The following SLC2A7 variants were observed in gnomAD, a reference collection of about 807,000 sequenced individuals.
The protein encoded by SLC2A7 is solute carrier family 2 member 7, also known as solute carrier family 2, facilitated glucose transporter member 7.
A neutral mutation model predicts 50.5 loss-of-function variants in SLC2A7; 50 were observed. That is an observed-to-expected ratio of 0.99 (90% CI 0.79 to 1.25). SLC2A7 has a LOEUF of 1.25. Among genes scored for constraint, SLC2A7 ranks in the 50% most tolerant of loss-of-function variants. SLC2A7 has a pLI of 0.00. For missense variants in SLC2A7, 683 were observed against 679.1 expected (o/e 1.01, Z -0.06); for synonymous variants, 308 against 300.4 (o/e 1.03, Z -0.26).
chr1:9,018,134 C>T lies in SLC2A7; in HGVS notation c.589+89G>A, dbSNP rs533179247. 218 of 1,543,172 alleles carry T rather than the reference C, an allele frequency of 1.4e-4. 1 individual carries two copies. The highest frequency in any genetic ancestry group is 6.6e-4 in the South Asian group (55 of 83,858). On this transcript the variant is annotated intron_variant, in intron 5 of 11. Coordinates refer to ENST00000400906, the MANE Select transcript of SLC2A7 (RefSeq NM_207420.3). ...AACACCTGACCCTAAAATCATCTCT[C>T]GGGTCTCATCTGACTCGATCCGTCA... is the stretch of plus-strand genomic sequence containing the variant.
chr1:9,004,453 C>T (rs993697565), intron 11 of SLC2A7, among the ~76,000 whole-genome samples: 2 of 152,008 alleles, frequency 1.3e-5, no homozygotes, highest in Admixed American at 6.5e-5. Flanking sequence ...AGGAAGGAAG[C>T]GGTGGGGGAT....
chr1:8,998,377 C>G (rs147703390), downstream of SLC2A7, among the ~76,000 whole-genome samples: 14,351 of 152,144 alleles, frequency 0.094, 734 homozygotes, highest in Middle Eastern at 0.15. Context: ...TGCACTCTAG[C>G]CTGGGCGACA....
intron 1 of SLC2A7, among the ~76,000 whole-genome samples, chr1:9,025,385 A>G (rs1279144624): frequency 6.6e-6 from 1 of 152,256 alleles, no homozygotes; most frequent in Non-Finnish European, 1.5e-5. Flanking sequence ...ACTGCCTTTA[A>G]GAAGCTCACT....
chr1:9,024,861 A>G (rs4297323), intron 2 of SLC2A7, 115 bp downstream of exon 2: 1 of 1,167,580 alleles, frequency 8.6e-7, no homozygotes, highest in South Asian at 1.4e-5. Context: ...CAAAGGCAAG[A>G]TGGTGCCTCC....
rs567915169 is a variant in SLC2A7, at chr1:9,003,152, T to C, written c.*148A>G. 56 of 676,030 alleles carry C rather than the reference T, an allele frequency of 8.3e-5. No homozygotes were observed. Among genetic ancestry groups the C allele is most frequent in the African/African-American group, 5.3e-4 (29 of 55,164 alleles). The allele number at this position is 676,030 out of a possible 1,614,324, so 41.9% of individuals were successfully genotyped here. A position where few individuals can be genotyped will look rare whatever the true frequency, so the allele number is the denominator to read the frequency against. ...CTTCTCAGCTAAATATGCATTGTTG[T>C]GGGTATTTAATAATATCCATAATTA... On this transcript the variant is annotated 3_prime_UTR_variant, in exon 12 of 12. Coordinates refer to ENST00000400906, the MANE Select transcript of SLC2A7 (RefSeq NM_207420.3).
intron 2 of SLC2A7, 47 bp from the exon 3 acceptor site, chr1:9,023,125 T>A (rs746794821): frequency 5.7e-6 from 9 of 1,580,288 alleles, no homozygotes; most frequent in Non-Finnish European, 6.9e-6. Flanking sequence ...GGGCAGTTCA[T>A]GAGAAATGAG....
intron 6 of SLC2A7, 41 bp downstream of exon 6, chr1:9,015,076 G>T: frequency 1.2e-6 from 2 of 1,608,524 alleles, no homozygotes. Context: ...CCTGGCCCCC[G>T]GGGTGGGCAG....
intron 3 of SLC2A7, among the ~76,000 whole-genome samples, chr1:9,022,199 G>A (rs1382184782): frequency 1.3e-5 from 2 of 152,196 alleles, no homozygotes; most frequent in Non-Finnish European, 2.9e-5. Flanking sequence ...ACTCCTGCAA[G>A]CTGTCTAACC....
At chr1:8,995,164 A>G in the SLC2A7 span, among the ~76,000 whole-genome samples, 1 of 149,004 alleles carries the variant, frequency 6.7e-6, no homozygotes, top group Non-Finnish European at 1.5e-5. Flanking sequence ...TTTTAAAAAT[A>G]TTGGCCAGGT....
chr1:9,024,866 G>T, intron 2 of SLC2A7, 110 bp downstream of exon 2: 2 of 1,239,700 alleles, frequency 1.6e-6, no homozygotes, highest in Non-Finnish European at 2.3e-6. Context: ...GCAAGATGGT[G>T]CCTCCTACAG....
intron 2 of SLC2A7, among the ~76,000 whole-genome samples, chr1:9,023,829 A>ATTC (rs139572302): frequency 1.7e-4 from 10 of 59,036 alleles, no homozygotes; most frequent in African/African-American, 3.3e-4. Context: ...CATAGGAAAT[A>ATTC]TTCTTCTTCT....
In SLC2A7 at chr1:9,008,119, G is replaced by C. The variant is rs1030358236; in HGVS notation, c.1117-734C>G. On this transcript the variant is annotated intron_variant, in intron 9 of 11. Coordinates refer to ENST00000400906, the MANE Select transcript of SLC2A7 (RefSeq NM_207420.3). This position sits in a 1 kb window ranked among gnomAD's most constrained non-coding sequence, Gnocchi z 5.9. The stretch of plus-strand genomic sequence containing the variant: ...ACCACCATCTCTGCTCCCAACTGCC[G>C]AGAGAACAGCCAATGCAAAACCGGG... Among the ~76,000 whole-genome samples the C allele has an allele frequency of 6.6e-6, 1 of 152,118 alleles. No individual in the cohort carries two copies. The highest frequency in any genetic ancestry group is 1.9e-4 in the East Asian group (1 of 5,180).
In SLC2A7 at chr1:9,014,788, C is replaced by G. The variant is rs148489455; in HGVS notation, c.796G>C (p.Glu266Gln). Reference sequence around the variant, plus strand: ...AGGTGCAGCACAGACAGGTGGCCCTCGGCGCGCTCGGCCCGGGCCTCCGCA... The same window carrying G: ...AGGTGCAGCACAGACAGGTGGCCCTGGGCGCGCTCGGCCCGGGCCTCCGCA... ...MRAEARAERA[E>Q]GHLSVLHLCA... Residue 266 changes from glutamate to glutamine, a missense_variant, in exon 7 of 12, where the codon GAG (glutamate) becomes CAG (glutamine). Physicochemically the swap from Glu to Gln is conservative, Grantham distance 29. Coordinates refer to ENST00000400906, the MANE Select transcript of SLC2A7 (RefSeq NM_207420.3). 1.9e-6 allele frequency: 3 copies of G among 1,600,074 alleles called. No homozygotes were observed. The highest frequency in any genetic ancestry group is 2.6e-6 in the Non-Finnish European group (3 of 1,174,294).
intron 11 of SLC2A7, 70 bp from the exon 12 acceptor site, chr1:9,003,588 T>C: frequency 7.2e-7 from 1 of 1,384,008 alleles, no homozygotes. Flanking sequence ...CTGAGCACGT[T>C]GGCTCATGCC....
chr1:9,020,652 G>A (rs1267663971), intron 3 of SLC2A7, among the ~76,000 whole-genome samples: 1 of 149,502 alleles, frequency 6.7e-6, no homozygotes, highest in African/African-American at 2.5e-5. Flanking sequence ...GGGGTTGCTG[G>A]CTGGTGCATC....
chr1:9,022,545 C>T (rs899191005), intron 3 of SLC2A7, among the ~76,000 whole-genome samples: 19 of 152,086 alleles, frequency 1.2e-4, no homozygotes, highest in African/African-American at 3.1e-4. Context: ...GAGGCTGCAG[C>T]GCTTAGAACT....
intron 11 of SLC2A7, 25 bp from the exon 12 acceptor site, chr1:9,003,543 G>T (rs4908804): frequency 8.7e-6 from 14 of 1,604,054 alleles, no homozygotes; most frequent in Non-Finnish European, 1.2e-5. Flanking sequence ...GAGAAAGACA[G>T]GAGGGGGCAG....
intron 11 of SLC2A7, among the ~76,000 whole-genome samples, chr1:9,004,005 A>G (rs953781717): frequency 2.2e-4 from 33 of 151,568 alleles, no homozygotes; most frequent in African/African-American, 7.3e-4. Flanking sequence ...TGTGATCACT[A>G]AAGATTGTTT....
At chr1:9,001,855 T>C (rs1569776024), downstream of SLC2A7, among the ~76,000 whole-genome samples, 1 of 152,268 alleles carries the variant, frequency 6.6e-6, no homozygotes, top group African/African-American at 2.4e-5. Flanking sequence ...ACTGCTACTG[T>C]GTCTATGTAG....
Sources: allele counts gnomAD v4.1 joint callset (sites outside exome capture counted in the v4.1 genomes callset), GRCh38; gene constraint gnomAD v4.1.1; non-coding constraint Gnocchi (gnomAD v3.1); transcripts MANE v1.5; gene names NCBI Gene and HGNC (gene_info 2026-07-23, HGNC 2026-07-21).